Variants in LYPLAL1 observed in about 807,000 individuals in gnomAD.
LYPLAL1 encodes the protein lysophospholipase like 1.
In LYPLAL1, 23 loss-of-function variants were observed where a neutral mutation model predicts 19.7. That is an observed-to-expected ratio of 1.17 (90% CI 0.84 to 1.65). The LOEUF is 1.65. Ranked by LOEUF, LYPLAL1 falls within the 40% of genes most tolerant of loss-of-function variation. The probability of loss-of-function intolerance (pLI) is 0.00; values close to 1 mark genes in which losing one functional copy is unlikely to be tolerated. For missense variants in LYPLAL1, 355 were observed against 279.4 expected, an observed-to-expected ratio of 1.27 and a Z score of -1.93; for synonymous variants, 119 against 96.3, an observed-to-expected ratio of 1.24 and a Z score of -1.38.
At chr1:219,193,020 G>T (rs1366722832) in intron 2 of LYPLAL1, 62 bp from the exon 3 acceptor site, 2 of 1,411,444 alleles carry the variant, frequency 1.4e-6, no homozygotes, top group Non-Finnish European at 1.9e-6. Context: ...GGTAATTAAA[G>T]CATCCATTTT....
chr1:219,302,550 C>T, the LYPLAL1 span, among the ~76,000 whole-genome samples: 2 of 152,122 alleles, frequency 1.3e-5, no homozygotes, highest in South Asian at 4.1e-4. Context: ...TGAATCTAGG[C>T]AAGTTTCCAT....
chr1:219,214,651 G>A (rs1035779168), downstream of LYPLAL1, among the ~76,000 whole-genome samples: 4 of 149,472 alleles, frequency 2.7e-5, 1 homozygote, highest in South Asian at 4.2e-4. Flanking sequence ...TACCATCAAC[G>A]TCATATTACT....
chr1:219,348,657 A>G, the LYPLAL1 span, among the ~76,000 whole-genome samples: 2 of 152,186 alleles, frequency 1.3e-5, no homozygotes, highest in Non-Finnish European at 2.9e-5. Flanking sequence ...TGTACAGTCT[A>G]TGGTAAATAT....
the LYPLAL1 span, among the ~76,000 whole-genome samples, chr1:219,300,594 G>A: frequency 7.0e-6 from 1 of 142,460 alleles, no homozygotes; most frequent in African/African-American, 2.6e-5. Flanking sequence ...GAGTGCAGTG[G>A]CGCATTCTGG....
At chr1:219,419,158 G>A in the LYPLAL1 span, among the ~76,000 whole-genome samples, 51 of 152,298 alleles carry the variant, frequency 3.3e-4, no homozygotes, top group African/African-American at 1.2e-3. Context: ...CAACCCCTTA[G>A]GGTAAGTATC....
the LYPLAL1 span, among the ~76,000 whole-genome samples, chr1:219,411,444 A>T: frequency 6.6e-6 from 1 of 152,084 alleles, no homozygotes; most frequent in East Asian, 1.9e-4. Context: ...GTATCTAACT[A>T]ATCTGATGGG....
At chr1:219,216,160 A>T (rs1425027137), downstream of LYPLAL1, among the ~76,000 whole-genome samples, 2 of 152,088 alleles carry the variant, frequency 1.3e-5, no homozygotes, top group East Asian at 3.9e-4. Context: ...AATAGGCTTA[A>T]TCTCTGCCTT....
chr1:219,342,308 T>C, the LYPLAL1 span, among the ~76,000 whole-genome samples: 1 of 152,112 alleles, frequency 6.6e-6, no homozygotes, highest in Non-Finnish European at 1.5e-5. Context: ...GAGATAGAGA[T>C]AGTAAATCCT....
chr1:219,307,845 T>C, the LYPLAL1 span, among the ~76,000 whole-genome samples: 1 of 152,208 alleles, frequency 6.6e-6, no homozygotes, highest in South Asian at 2.1e-4. Context: ...GCCGCCGCCA[T>C]GTAAGAAGTG....
chr1:219,289,396 G>A, the LYPLAL1 span, among the ~76,000 whole-genome samples: 3 of 152,114 alleles, frequency 2.0e-5, no homozygotes, highest in Admixed American at 6.5e-5. Flanking sequence ...ACAGAATGGA[G>A]GCTCTGTGGG....
the LYPLAL1 span, among the ~76,000 whole-genome samples, chr1:219,412,758 C>G: frequency 6.6e-6 from 1 of 152,162 alleles, no homozygotes; most frequent in African/African-American, 2.4e-5. Context: ...TGGGAGCCTG[C>G]CATGTAAGTC....
chr1:219,278,130 C>T, the LYPLAL1 span, among the ~76,000 whole-genome samples: 1 of 152,172 alleles, frequency 6.6e-6, no homozygotes, highest in South Asian at 2.1e-4. Flanking sequence ...AAAATTGAGG[C>T]CCAGATTGTT....
the LYPLAL1 span, among the ~76,000 whole-genome samples, chr1:219,287,752 C>T: frequency 1.3e-5 from 2 of 152,308 alleles, no homozygotes; most frequent in Middle Eastern, 3.4e-3. Flanking sequence ...AATCTCGTGT[C>T]GAACTGTCAT....
At chr1:219,327,242 G>A in the LYPLAL1 span, among the ~76,000 whole-genome samples, 1 of 152,136 alleles carries the variant, frequency 6.6e-6, no homozygotes, top group African/African-American at 2.4e-5. Flanking sequence ...GGTGGAATGG[G>A]GTTATGGTGG....
chr1:219,318,929 C>T, the LYPLAL1 span, among the ~76,000 whole-genome samples: 10 of 152,234 alleles, frequency 6.6e-5, no homozygotes, highest in East Asian at 3.9e-4. Flanking sequence ...TTTTTCTTTC[C>T]GGGAGAAGAT....
chr1:219,408,189 G>A, the LYPLAL1 span, among the ~76,000 whole-genome samples: 14 of 152,136 alleles, frequency 9.2e-5, no homozygotes, highest in East Asian at 1.9e-4. Context: ...AAGAGGAATG[G>A]GCAAACTGGC....
At chr1:219,334,337 A>G in the LYPLAL1 span, among the ~76,000 whole-genome samples, 2 of 151,938 alleles carry the variant, frequency 1.3e-5, no homozygotes, top group African/African-American at 4.8e-5. Flanking sequence ...TCTGCTCCCC[A>G]TTTATACTTT....
the LYPLAL1 span, among the ~76,000 whole-genome samples, chr1:219,344,808 C>A: frequency 6.6e-6 from 1 of 152,164 alleles, no homozygotes; most frequent in African/African-American, 2.4e-5. Context: ...CCAGTCAATC[C>A]TTGCTTTGAG....
the LYPLAL1 span, among the ~76,000 whole-genome samples, chr1:219,234,769 C>A: frequency 9.9e-5 from 15 of 151,910 alleles, no homozygotes; most frequent in African/African-American, 3.6e-4. Context: ...GATTGCTGAC[C>A]TGGTATTTTT....
Sources: gnomAD v4.1 joint callset for allele counts (sites outside exome capture counted in the v4.1 genomes callset) on GRCh38, gnomAD v4.1.1 for gene constraint, MANE v1.5 for transcripts, NCBI Gene and HGNC (gene_info 2026-07-23, HGNC 2026-07-21) for gene names.